DYNC2I2: variants seen among roughly 807,000 people sequenced by gnomAD.
DYNC2I2 encodes cytoplasmic dynein 2 intermediate chain 2.
In DYNC2I2, 39 loss-of-function variants were observed where a neutral mutation model predicts 52.0. The ratio of observed to expected loss-of-function variants is 0.75; its 90% CI spans 0.58 to 0.98. The LOEUF (loss-of-function observed/expected upper bound fraction) is 0.98, where lower values mean the gene tolerates loss of function less well. Ranked by LOEUF, DYNC2I2 falls within the 50% of genes least tolerant of loss-of-function variation. The pLI is 0.00. For synonymous variants in DYNC2I2, 359 were observed against 321.1 expected (o/e 1.12, Z -1.26); for missense variants, 743 against 728.4 (o/e 1.02, Z -0.23).
chr9:128,676,013 C>T, the DYNC2I2 span, among the ~76,000 whole-genome samples: 12 of 152,068 alleles, frequency 7.9e-5, no homozygotes, highest in Admixed American at 2.0e-4. Flanking sequence ...ACAAAAAATA[C>T]AAAAATTAGC....
chr9:128,633,769 C>A lies in DYNC2I2; in HGVS notation c.1586G>T (p.Cys529Phe). Residue 529 changes from cysteine (C) to phenylalanine (F), a missense_variant, in exon 9 of 9, where the codon TGC becomes TTC. Physicochemically the swap from Cys to Phe is radical, Grantham distance 205. Transcript: ENST00000372715. ...QGPREAEDLDCLAAEVAA is the reference protein window; with the variant it reads ...QGPREAEDLDFLAAEVAA ...TCAGGCCGCCACCTCTGCTGCCAGG[C>A]AGTCCAGGTCCTCAGCTTCCCGGGG... 1.2e-6 allele frequency: 2 copies of A among 1,613,438 alleles called. No homozygotes were observed. Among genetic ancestry groups the A allele is most frequent in the Non-Finnish European group, 1.7e-6 (2 of 1,180,032 alleles).
chr9:128,671,818 A>AT, the DYNC2I2 span, among the ~76,000 whole-genome samples: 3 of 147,388 alleles, frequency 2.0e-5, no homozygotes, highest in Non-Finnish European at 3.0e-5. Context: ...TGCCCGGCTA[A>AT]TTTTTTTTGT....
At chr9:128,684,264 C>T in the DYNC2I2 span, among the ~76,000 whole-genome samples, 56 of 152,250 alleles carry the variant, frequency 3.7e-4, no homozygotes, top group African/African-American at 1.2e-3. Flanking sequence ...AAACTTCCTC[C>T]TCTGGGGCTC....
the DYNC2I2 span, among the ~76,000 whole-genome samples, chr9:128,681,022 T>A: frequency 6.6e-6 from 1 of 152,094 alleles, no homozygotes; most frequent in African/African-American, 2.4e-5. Context: ...TATACTATTT[T>A]GTGTCTTTGT....
upstream of DYNC2I2, among the ~76,000 whole-genome samples, chr9:128,660,342 C>T (rs921273648): frequency 6.7e-6 from 1 of 149,674 alleles, no homozygotes; most frequent in East Asian, 1.9e-4. Flanking sequence ...GATCTCCTGA[C>T]CTTGTGATCT....
chr9:128,684,022 TAA>T, the DYNC2I2 span: 122 of 1,519,594 alleles, frequency 8.0e-5, no homozygotes, highest in East Asian at 2.5e-5. Context: ...GTTTCTGCGC[TAA>T]GTTTTATTGG....
chr9:128,657,593 AG>A (rs780794617), upstream of DYNC2I2, among the ~76,000 whole-genome samples: 16 of 152,112 alleles, frequency 1.1e-4, no homozygotes, highest in Non-Finnish European at 2.2e-4. Context: ...GCTTGAAGCC[AG>A]GAGTTCGAAA....
chr9:128,660,188 A>C (rs1397803645), upstream of DYNC2I2, among the ~76,000 whole-genome samples: 2 of 151,854 alleles, frequency 1.3e-5, no homozygotes, highest in African/African-American at 4.8e-5. Context: ...GGCTCACTGC[A>C]ACCTCCGCCT....
chr9:128,641,980 C>G (rs1161006134), intron 1 of DYNC2I2, among the ~76,000 whole-genome samples: 2 of 150,732 alleles, frequency 1.3e-5, no homozygotes, highest in Non-Finnish European at 3.0e-5. Flanking sequence ...TATACATACA[C>G]ACACACACAC....
intron 1 of DYNC2I2, among the ~76,000 whole-genome samples, chr9:128,653,646 G>A (rs1460509602): frequency 6.6e-6 from 1 of 150,738 alleles, no homozygotes; most frequent in African/African-American, 2.5e-5. Flanking sequence ...AAGCCGGGAG[G>A]CGGAAGTTGC....
chr9:128,640,619 T>C (rs1860494917), intron 2 of DYNC2I2, 72 bp downstream of exon 2: 2 of 1,555,706 alleles, frequency 1.3e-6, no homozygotes, highest in African/African-American at 2.7e-5. Context: ...CTGTTATTTG[T>C]GGGAAGGAAA....
the DYNC2I2 span, among the ~76,000 whole-genome samples, chr9:128,675,427 A>T: frequency 6.6e-6 from 1 of 152,054 alleles, no homozygotes; most frequent in Non-Finnish European, 1.5e-5. Flanking sequence ...TGATCTGCCC[A>T]CCTCAGCTTC....
the DYNC2I2 span, among the ~76,000 whole-genome samples, chr9:128,669,321 C>A: frequency 2.0e-5 from 3 of 151,942 alleles, no homozygotes; most frequent in African/African-American, 7.2e-5. Context: ...GCCGAGATTG[C>A]GCCACTGCAC....
At chr9:128,638,802 T>C (rs1860459742) in intron 2 of DYNC2I2, among the ~76,000 whole-genome samples, 1 of 152,196 alleles carries the variant, frequency 6.6e-6, no homozygotes, top group Non-Finnish European at 1.5e-5. Flanking sequence ...AAATGTCCAT[T>C]AGCTGATGAG....
chr9:128,658,205 G>A (rs1034926420), upstream of DYNC2I2, among the ~76,000 whole-genome samples: 13 of 147,360 alleles, frequency 8.8e-5, no homozygotes, highest in Admixed American at 6.9e-4. Flanking sequence ...TCACTCTGTC[G>A]CCCAAGGTGG....
the DYNC2I2 span, among the ~76,000 whole-genome samples, chr9:128,671,776 C>T: frequency 3.3e-5 from 5 of 150,520 alleles, no homozygotes; most frequent in Non-Finnish European, 7.4e-5. Context: ...CTCAGCCTCC[C>T]GAGTAGCTGG....
the DYNC2I2 span, among the ~76,000 whole-genome samples, chr9:128,683,003 G>A: frequency 6.8e-6 from 1 of 146,746 alleles, no homozygotes; most frequent in African/African-American, 2.5e-5. Flanking sequence ...AAAAAAAAAA[G>A]TCTTTTTTTG....
At chr9:128,654,896 C>T (rs952634533) in intron 1 of DYNC2I2, among the ~76,000 whole-genome samples, 2 of 152,140 alleles carry the variant, frequency 1.3e-5, no homozygotes, top group Non-Finnish European at 2.9e-5. Context: ...CTTTTGTCCA[C>T]GGCACTATTC....
chr9:128,643,506 GAC>G (rs1480076747), intron 1 of DYNC2I2, among the ~76,000 whole-genome samples: 4 of 148,576 alleles, frequency 2.7e-5, no homozygotes. Context: ...CAGCCTGGGT[GAC>G]AGAGTGAGAC....
Sources: allele counts gnomAD v4.1 joint callset (sites outside exome capture counted in the v4.1 genomes callset), GRCh38; gene constraint gnomAD v4.1.1; transcripts MANE v1.5; gene names NCBI Gene and HGNC (gene_info 2026-07-23, HGNC 2026-07-21).